The following UBE2E2 variants were observed in gnomAD, a reference collection of about 807,000 sequenced individuals.
The protein encoded by UBE2E2 is ubiquitin-conjugating enzyme E2 E2.
UBE2E2 carries 6 observed loss-of-function variants against 24.7 expected under a neutral mutation model. The ratio of observed to expected loss-of-function variants is 0.24; its 90% CI spans 0.13 to 0.48. The LOEUF is 0.48. UBE2E2 is among the 20% of genes least tolerant of loss of function. The pLI is 0.99. For missense variants in UBE2E2, 169 were observed against 245.0 expected (o/e 0.69, Z 2.07); for synonymous variants, 104 against 83.6 (o/e 1.24, Z -1.33).
At chr3:23,350,350 C>T (rs1479472207) in intron 3 of UBE2E2, among the ~76,000 whole-genome samples, 1 of 152,222 alleles carries the variant, frequency 6.6e-6, no homozygotes, top group Non-Finnish European at 1.5e-5. Flanking sequence ...CAAAGGAACG[C>T]AGTTCCTCAC....
At position 23,407,265 on chromosome 3, in the gene UBE2E2, G is replaced by T. The variant is rs1447276636; in HGVS notation, c.228-92343G>T. Among the ~76,000 whole-genome samples the T allele has an allele frequency of 6.6e-6, 1 of 151,382 alleles. No individual in the cohort carries two copies. The highest frequency in any genetic ancestry group is 1.5e-5 in the Non-Finnish European group (1 of 67,894). On this transcript the variant is annotated intron_variant, in intron 3 of 5. Transcript: ENST00000396703. The surrounding 1 kb of genome is among the most constrained non-coding windows in gnomAD (Gnocchi z 4.0). The stretch of plus-strand genomic sequence containing the variant: ...TTTTTCCCCATTTTTTTTCTGGAAA[G>T]AATAAAAAGATTCAGATGACATCTG...
intron 2 of UBE2E2, among the ~76,000 whole-genome samples, chr3:23,215,013 TC>T (rs1696437149): frequency 6.6e-6 from 1 of 152,174 alleles, no homozygotes; most frequent in Non-Finnish European, 1.5e-5. Flanking sequence ...TACCTATTCT[TC>T]CTTTCTTTTC....
chr3:23,579,737 CTA>C (rs1441526453), intron 5 of UBE2E2, among the ~76,000 whole-genome samples: 1 of 152,012 alleles, frequency 6.6e-6, no homozygotes, highest in Non-Finnish European at 1.5e-5. Context: ...TTTCCTAAGG[CTA>C]TAGTTTCCAT....
intron 3 of UBE2E2, among the ~76,000 whole-genome samples, chr3:23,237,500 A>G (rs908146071): frequency 1.1e-4 from 16 of 152,290 alleles, no homozygotes; most frequent in African/African-American, 3.8e-4. Context: ...TAGAAGCCTC[A>G]TCAGCTGGGC....
rs545891481 is a variant in UBE2E2, at chr3:23,360,838, G to T, written c.228-138770G>T. ...TTCTTTATAATTTCTAAATAAATGG[G>T]ACCTAATTAAACTAAAAAGCTTCTG... On this transcript the variant is annotated intron_variant, in intron 3 of 5. Coordinates refer to ENST00000396703, the MANE Select transcript of UBE2E2 (RefSeq NM_152653.4). Among the ~76,000 whole-genome samples, 25 of 150,576 alleles carry T rather than the reference G, an allele frequency of 1.7e-4. 1 individual carries two copies. The South Asian group carries it at 5.3e-3, about 32-fold the overall frequency.
intron 3 of UBE2E2, among the ~76,000 whole-genome samples, chr3:23,485,276 AAT>A (rs1444335539): frequency 6.6e-6 from 1 of 151,682 alleles, no homozygotes; most frequent in Non-Finnish European, 1.5e-5. Flanking sequence ...TTGTATTTTT[AAT>A]AGAGACAAGG....
chr3:23,389,275 C>T (rs1264888363), intron 3 of UBE2E2, among the ~76,000 whole-genome samples: 1 of 152,228 alleles, frequency 6.6e-6, no homozygotes, highest in Non-Finnish European at 1.5e-5. Flanking sequence ...CCTGTATTTG[C>T]TCAAGCAAGC....
intron 4 of UBE2E2, among the ~76,000 whole-genome samples, chr3:23,504,969 C>T (rs998871050): frequency 2.1e-5 from 3 of 142,688 alleles, no homozygotes; most frequent in South Asian, 2.3e-4. Context: ...AGTGCAGTGA[C>T]GTGATCATGG....
intron 5 of UBE2E2, among the ~76,000 whole-genome samples, chr3:23,569,213 A>C (rs1241936525): frequency 6.6e-6 from 1 of 152,200 alleles, no homozygotes; most frequent in African/African-American, 2.4e-5. Context: ...TTGTAAAAGA[A>C]ACCAATCACA....
At chr3:23,213,733 T>C (rs1696390841) in intron 2 of UBE2E2, among the ~76,000 whole-genome samples, 1 of 152,168 alleles carries the variant, frequency 6.6e-6, no homozygotes, top group East Asian at 1.9e-4. Context: ...TCTTTCACCT[T>C]ACCAGCGTAA....
At chr3:23,257,796 A>G (rs1697777832) in intron 3 of UBE2E2, among the ~76,000 whole-genome samples, 3 of 151,984 alleles carry the variant, frequency 2.0e-5, no homozygotes, top group African/African-American at 7.2e-5. Flanking sequence ...GAAAATTTAT[A>G]GTATATAGGC....
intron 3 of UBE2E2, among the ~76,000 whole-genome samples, chr3:23,357,523 T>A (rs935989358): frequency 4.6e-5 from 7 of 152,166 alleles, no homozygotes; most frequent in East Asian, 1.9e-4. Context: ...AGCATTTTTT[T>A]AAATAATCCT....
At chr3:23,244,874 A>G (rs1428709876) in intron 3 of UBE2E2, among the ~76,000 whole-genome samples, 1 of 152,180 alleles carries the variant, frequency 6.6e-6, no homozygotes, top group East Asian at 1.9e-4. Context: ...AAATTGTATT[A>G]CTGCTGAATC....
At chr3:23,262,808 GGT>G (rs1697939290) in intron 3 of UBE2E2, among the ~76,000 whole-genome samples, 1 of 151,932 alleles carries the variant, frequency 6.6e-6, no homozygotes, top group Non-Finnish European at 1.5e-5. Flanking sequence ...ACATGCTTTT[GGT>G]GTCACATCCA....
intron 5 of UBE2E2, among the ~76,000 whole-genome samples, chr3:23,576,843 G>C (rs543307028): frequency 7.4e-4 from 113 of 152,076 alleles, no homozygotes; most frequent in African/African-American, 2.7e-3. Context: ...AAACAGAAAA[G>C]TAAACAGACA....
chr3:23,518,355 A>G (rs892656151), intron 4 of UBE2E2, among the ~76,000 whole-genome samples: 1 of 152,246 alleles, frequency 6.6e-6, no homozygotes, highest in Non-Finnish European at 1.5e-5. Context: ...AAACAAACCC[A>G]GGTAGTTACC....
intron 3 of UBE2E2, among the ~76,000 whole-genome samples, chr3:23,249,665 T>A (rs1189530995): frequency 1.3e-5 from 2 of 152,048 alleles, no homozygotes; most frequent in African/African-American, 4.8e-5. Flanking sequence ...TTTTTTTTTT[T>A]TAAATTTTGA....
intron 3 of UBE2E2, among the ~76,000 whole-genome samples, chr3:23,409,480 A>G (rs773584147): frequency 6.6e-6 from 1 of 152,126 alleles, no homozygotes; most frequent in Non-Finnish European, 1.5e-5. Flanking sequence ...GGAGAAGACA[A>G]TGTGTGGTTT....
At chr3:23,204,426 G>A (rs921620317) in intron 1 of UBE2E2, among the ~76,000 whole-genome samples, 4 of 152,148 alleles carry the variant, frequency 2.6e-5, no homozygotes, top group Non-Finnish European at 5.9e-5. Flanking sequence ...TTAAAAGTAC[G>A]AAAGGAAGTG....
Sources: gnomAD v4.1 joint callset for allele counts (sites outside exome capture counted in the v4.1 genomes callset) on GRCh38, gnomAD v4.1.1 for gene constraint, Gnocchi (gnomAD v3.1) non-coding constraint, MANE v1.5 for transcripts, NCBI Gene and HGNC (gene_info 2026-07-23, HGNC 2026-07-21) for gene names.